The following DMAC2L variants were observed in gnomAD, a reference collection of about 807,000 sequenced individuals.
The protein encoded by DMAC2L is distal membrane arm assembly component 2 like.
In DMAC2L, 21 loss-of-function variants were observed where a neutral mutation model predicts 22.5. That is an observed-to-expected ratio of 0.93 (90% confidence interval 0.66 to 1.34). The LOEUF is 1.34. DMAC2L is among the 40% of genes most tolerant of loss of function. The probability of loss-of-function intolerance (pLI) is 0.00; values close to 1 mark genes in which losing one functional copy is unlikely to be tolerated. For missense variants in DMAC2L, 239 were observed against 246.5 expected (o/e 0.97, Z 0.20); for synonymous variants, 86 against 89.5 (o/e 0.96, Z 0.22).
chr14:50,312,824 C>G (rs930715461), intron 1 of DMAC2L: 104 of 595,278 alleles, frequency 1.7e-4, no homozygotes, highest in Non-Finnish European at 1.5e-4. Context: ...GACTGACAGC[C>G]CGCAGTCTTC....
At chr14:50,312,143 G>A (rs148241854), upstream of DMAC2L, 519 of 1,610,370 alleles carry the variant, frequency 3.2e-4, 2 homozygotes, top group East Asian at 2.3e-3. Context: ...ACGCAGCGCT[G>A]GCACCATCCC....
Position 50,321,580 on chromosome 14 carries a change from T to C in DMAC2L, c.93T>C (p.Asn31=), listed in dbSNP as rs2032278833. Residue 31 remains asparagine, a synonymous_variant, in exon 3 of 6, where the codon AAT becomes AAC. Transcript: ENST00000557421. Reference sequence around the variant, plus strand: ...CCAGATACTTCTGGGGCTGGTTGAATGCAGTGTTTAATAAGTAAGTTACTC... The same window carrying C: ...CCAGATACTTCTGGGGCTGGTTGAACGCAGTGTTTAATAAGTAAGTTACTC... The part of the protein sequence containing the change: ...CDSRYFWGWL[N]AVFNKVDYDR... 3.1e-6 allele frequency: 5 copies of C among 1,612,960 alleles called. No individual in the cohort carries two copies. The highest frequency in any genetic ancestry group is 1.1e-5 in the South Asian group (1 of 91,042).
intron 2 of DMAC2L, chr14:50,318,810 A>G (rs1486905809): frequency 1.3e-5 from 2 of 155,456 alleles, no homozygotes; most frequent in East Asian, 3.9e-4. Flanking sequence ...TTCTCATGGT[A>G]TTTGTTCACA....
Position 50,326,486 on chromosome 14 carries a change from C to CA in DMAC2L, c.*764dup. On this transcript the variant is annotated 3_prime_UTR_variant, in exon 6 of 6. Coordinates refer to ENST00000557421, the MANE Select transcript of DMAC2L (RefSeq NM_001382507.1). ...GATGGAGTCAATTATGCAAAGTGGT[C>CA]AGTGGTTGTTGAAGCATGCATTGCT... 1.0e-6 allele frequency: 1 copy of CA among 985,290 alleles called. No homozygotes were observed. The highest frequency in any genetic ancestry group is 1.2e-6 in the Non-Finnish European group (1 of 829,910). 61.0% of individuals were successfully genotyped at this position (985,290 alleles called of 1,614,324 possible).
At chr14:50,315,458 T>C (rs2031698937) in intron 2 of DMAC2L, among the ~76,000 whole-genome samples, 11 of 150,636 alleles carry the variant, frequency 7.3e-5, no homozygotes, top group Admixed American at 7.3e-4. Flanking sequence ...GGTCAGGAGA[T>C]TGAGACCATC....
chr14:50,315,227 A>T (rs565146083), intron 2 of DMAC2L, among the ~76,000 whole-genome samples: 50 of 151,036 alleles, frequency 3.3e-4, no homozygotes, highest in Middle Eastern at 3.4e-3. Flanking sequence ...CGGCCTCCCA[A>T]AGTGTTGGGA....
At chr14:50,314,441 A>C in intron 1 of DMAC2L, 150 bp from the exon 2 acceptor site, 1 of 428,548 alleles carries the variant, frequency 2.3e-6, no homozygotes, top group Non-Finnish European at 4.7e-6. Context: ...TGTCTTTATC[A>C]GCAGTGTGAA....
In DMAC2L at chr14:50,326,874, CT is replaced by C; in HGVS notation, c.*1152del. On this transcript the variant is annotated 3_prime_UTR_variant, in exon 6 of 6. Transcript: ENST00000557421. ...TGGGCAACACAGTGAGACCCCATCT[CT>C]AAAAAAATTTTAAAAATTAGGCAGG... 1.9e-6 allele frequency: 1 copy of C among 522,550 alleles called. No individual in the cohort carries two copies. Among genetic ancestry groups the C allele is most frequent in the Non-Finnish European group, 2.5e-6 (1 of 407,622 alleles). 32.4% of individuals were successfully genotyped at this position (522,550 alleles called of 1,614,324 possible). A position where few individuals can be genotyped will look rare whatever the true frequency, so the allele number is the denominator to read the frequency against.
At chr14:50,319,173 G>C in intron 2 of DMAC2L, 1 of 1,535,104 alleles carries the variant, frequency 6.5e-7, no homozygotes, top group Non-Finnish European at 8.7e-7. Flanking sequence ...AACTAATAGA[G>C]TTATTCAAGG....
Position 50,317,128 on chromosome 14 carries a change from C to T in DMAC2L, c.-6+2502C>T, listed in dbSNP as rs60064286. On this transcript the variant is annotated intron_variant, in intron 2 of 5. Transcript: ENST00000557421. The stretch of plus-strand genomic sequence containing the variant: ...TCTTTCAGCAGTGTTTTGTAGTTTT[C>T]CTTTTAGAGGTCATTCACCTCCTTG... 4.3e-3 allele frequency among the ~76,000 whole-genome samples: 657 copies of T among 152,074 alleles called. 5 individuals are homozygous for T. The highest frequency in any genetic ancestry group is 0.015 in the African/African-American group (626 of 41,480).
Position 50,323,994 on chromosome 14 carries a change from C to T in DMAC2L, c.366C>T (p.Ile122=), listed in dbSNP as rs773149347. The change falls in exon 5 of 6, where the codon ATC becomes ATT. Residue 122 remains isoleucine (I), a synonymous_variant. Coordinates refer to ENST00000557421, the MANE Select transcript of DMAC2L (RefSeq NM_001382507.1). ...TAAGGCTGTGCAAGTGTCATTATAT[C>T]GAGGATGACTGTTTGCTGAGACTTA... ...EKIRLCKCHY[I]EDDCLLRLSQ... is the part of the protein sequence containing the mutation. The T allele has an allele frequency of 6.2e-6, 10 of 1,613,692 alleles. No individual in the cohort carries two copies. Among genetic ancestry groups the T allele is most frequent in the South Asian group, 1.1e-5 (1 of 90,992 alleles).
chr14:50,321,950 A>G (rs999384457), intron 3 of DMAC2L, among the ~76,000 whole-genome samples: 1 of 152,174 alleles, frequency 6.6e-6, no homozygotes, highest in African/African-American at 2.4e-5. Context: ...AATTCTATCA[A>G]AGTAACTTGG....
chr14:50,322,421 G>C, intron 3 of DMAC2L, 90 bp from the exon 4 acceptor site: 1 of 1,298,364 alleles, frequency 7.7e-7, no homozygotes, highest in Non-Finnish European at 1.0e-6. Flanking sequence ...ATGAAAATTT[G>C]TTGCGTTCTG....
chr14:50,312,152 C>T (rs1184292860), upstream of DMAC2L: 2 of 1,609,908 alleles, frequency 1.2e-6, no homozygotes, highest in Non-Finnish European at 1.7e-6. Context: ...TGGCACCATC[C>T]CCTACGCACG....
At chr14:50,311,765 G>A (rs1424081456), upstream of DMAC2L, among the ~76,000 whole-genome samples, 3 of 152,182 alleles carry the variant, frequency 2.0e-5, no homozygotes, top group Non-Finnish European at 2.9e-5. Flanking sequence ...ACAGAAAGTG[G>A]ACGGGTTGTT....
chr14:50,312,183 G>A, upstream of DMAC2L: 2 of 1,606,158 alleles, frequency 1.2e-6, no homozygotes, highest in Non-Finnish European at 1.7e-6. Flanking sequence ...TCAGCGCTCA[G>A]AAGAAGCCAC....
intron 2 of DMAC2L, chr14:50,318,959 T>C: frequency 1.1e-6 from 1 of 925,350 alleles, no homozygotes; most frequent in African/African-American, 1.8e-5. Flanking sequence ...TTGTTTGTTT[T>C]GTCTTACCAT....
At chr14:50,320,843 C>G (rs1250937297) in intron 2 of DMAC2L, among the ~76,000 whole-genome samples, 1 of 152,192 alleles carries the variant, frequency 6.6e-6, no homozygotes, top group Non-Finnish European at 1.5e-5. Flanking sequence ...GAAACCTACT[C>G]CAGGAATCAC....
At chr14:50,324,172 G>T in intron 5 of DMAC2L, 56 bp downstream of exon 5, 1 of 1,492,814 alleles carries the variant, frequency 6.7e-7, no homozygotes, top group South Asian at 1.4e-5. Context: ...TGAATAGTTA[G>T]AATTTAATTG....
Sources: allele counts gnomAD v4.1 joint callset (sites outside exome capture counted in the v4.1 genomes callset), GRCh38; gene constraint gnomAD v4.1.1; transcripts MANE v1.5; gene names NCBI Gene and HGNC (gene_info 2026-07-23, HGNC 2026-07-21).